The following SRRM2 variants were observed in gnomAD, a reference collection of about 807,000 sequenced individuals.
SRRM2 encodes serine/arginine repetitive matrix 2, also known as serine/arginine repetitive matrix protein 2.
Under a neutral mutation model 213.8 loss-of-function variants are expected in SRRM2, and 30 were observed. That is an observed-to-expected ratio of 0.14 (90% confidence interval 0.10 to 0.19). The LOEUF (loss-of-function observed/expected upper bound fraction) is 0.19. Among genes scored for constraint, SRRM2 ranks in the 10% least tolerant of loss-of-function variants. SRRM2 has a pLI of 1.00. For missense variants in SRRM2, 4,904 were observed against 3,647.0 expected, an observed-to-expected ratio of 1.34 and a Z score of -8.88; for synonymous variants, 2,025 against 1,377.7, an observed-to-expected ratio of 1.47 and a Z score of -10.40.
rs200237075 is a variant in SRRM2, at chr16:2,759,654, C to T, written c.826C>T (p.Arg276Cys). 52 of 1,613,654 alleles carry T rather than the reference C, an allele frequency of 3.2e-5. No homozygotes were observed. The highest frequency in any genetic ancestry group is 3.8e-5 in the Non-Finnish European group (45 of 1,179,776). The stretch of plus-strand genomic sequence containing the variant: ...CTCTGCTTCCTCCTCCGATACTTCC[C>T]GCAGTCGGTAAGGGGTAGTCCAGGA... ...ADSASSSDTS[R>C]SRSRSAAAKT... is the part of the protein sequence containing the mutation. The change falls in exon 9 of 15, where the codon CGC (arginine) becomes TGC (cysteine). Residue 276 changes from arginine to cysteine, a missense_variant. Physicochemically the swap from Arg to Cys is radical, Grantham distance 180. Transcript: ENST00000301740.
In SRRM2 at chr16:2,764,933, A is replaced by G. The variant is rs200242142; in HGVS notation, c.4405A>G (p.Ile1469Val). The change falls in exon 11 of 15, where the codon ATA becomes GTA. Residue 1469 changes from isoleucine (I) to valine (V), a missense_variant. Transcript: ENST00000301740. The part of the protein sequence containing the change: ...LSGSSPGMKD[I>V]PRTPSRGRSE... ...TGGGTCCTCTCCTGGAATGAAAGATATACCTAGAACGCCATCTAGAGGGAG... is the reference window on the plus strand; with the variant it reads ...TGGGTCCTCTCCTGGAATGAAAGATGTACCTAGAACGCCATCTAGAGGGAG... 3 of 1,614,170 alleles carry G rather than the reference A, an allele frequency of 1.9e-6. No homozygotes were observed. The highest frequency in any genetic ancestry group is 2.7e-5 in the African/African-American group (2 of 75,022).
At chr16:2,757,363 T>A (rs2068181313) in intron 2 of SRRM2, 109 bp from the exon 3 acceptor site, 1 of 854,706 alleles carries the variant, frequency 1.2e-6, no homozygotes, top group Non-Finnish European at 1.9e-6. Context: ...CGAAAAGTTC[T>A]GTGTGCGCAT....
intron 1 of SRRM2, among the ~76,000 whole-genome samples, chr16:2,755,578 T>G (rs1165618429): frequency 6.7e-6 from 1 of 149,422 alleles, no homozygotes; most frequent in Non-Finnish European, 1.5e-5. Flanking sequence ...AGGAAGGAAA[T>G]TGAAGGAATA....
At chr16:2,753,242 C>G (rs2068004990) in intron 1 of SRRM2, among the ~76,000 whole-genome samples, 1 of 152,368 alleles carries the variant, frequency 6.6e-6, no homozygotes, top group South Asian at 2.1e-4. Context: ...CTCCTGGACC[C>G]TTGCCCCCGG....
rs528037135 is a variant in SRRM2, at chr16:2,767,549, C to G, written c.7021C>G (p.Pro2341Ala). 7 of 1,614,078 alleles carry G rather than the reference C, an allele frequency of 4.3e-6. No homozygotes were observed. Among genetic ancestry groups the G allele is most frequent in the Non-Finnish European group, 5.9e-6 (7 of 1,180,042 alleles). Residue 2341 changes from proline (P) to alanine (A), a missense_variant, in exon 11 of 15, where the codon CCT becomes GCT. By Grantham distance (27) the Pro-to-Ala change is conservative. Coordinates refer to ENST00000301740, the MANE Select transcript of SRRM2 (RefSeq NM_016333.4). ...TCCAGCCTCTGCAAACCTGGTGGGT[C>G]CTCGGTCTGCACATGCCACAGCTCC... ...QAPASANLVG[P>A]RSAHATAPVN...
chr16:2,770,279 G>A, intron 12 of SRRM2, 73 bp from the exon 13 acceptor site: 1 of 1,487,642 alleles, frequency 6.7e-7, no homozygotes, highest in Non-Finnish European at 9.0e-7. Context: ...TCAGGACCTG[G>A]GCGGGTGGTC....
rs1218314599 is a variant in SRRM2 at position 2,767,999 on chromosome 16, A to C, written c.7471A>C (p.Asn2491His). Residue 2491 changes from asparagine to histidine, a missense_variant, in exon 11 of 15, where the codon AAT (asparagine) becomes CAT (histidine). By Grantham distance (68) the Asn-to-His change is moderately conservative. Transcript: ENST00000301740. ...GACCACGTCCTCTGCTGGTGATCAC[A>C]ATGGCATGCTCTCTGTCCCTGCCCC... is the stretch of plus-strand genomic sequence containing the variant. ...ATTTSSAGDH[N>H]GMLSVPAPGV... is the part of the protein sequence containing the mutation. The C allele has an allele frequency of 6.2e-7, 1 of 1,613,984 alleles. No homozygotes were observed. Among genetic ancestry groups the C allele is most frequent in the East Asian group, 2.2e-5 (1 of 44,892 alleles).
At chr16:2,753,183 C>T (rs968591848) in intron 1 of SRRM2, among the ~76,000 whole-genome samples, 20 of 151,490 alleles carry the variant, frequency 1.3e-4, no homozygotes, top group African/African-American at 4.4e-4. Flanking sequence ...CCTGCAGCTG[C>T]CGTTTTCGGC....
chr16:2,763,710 C>T lies in SRRM2; in HGVS notation c.3182C>T (p.Ser1061Phe), dbSNP rs777960016. The stretch of plus-strand genomic sequence containing the variant: ...TCATCTCTGCAACTGAAAGGACAAT[C>T]TCAAACTTCACCAGACCACAGATCT... ...GVSSLQLKGQ[S>F]QTSPDHRSDT... is the part of the protein sequence containing the mutation. The change falls in exon 11 of 15, where the codon TCT (serine) becomes TTT (phenylalanine). Residue 1061 changes from serine to phenylalanine, a missense_variant. By Grantham distance (155) the Ser-to-Phe change is radical. Transcript: ENST00000301740. 1.2e-6 allele frequency: 2 copies of T among 1,614,186 alleles called. No homozygotes were observed. Among genetic ancestry groups the T allele is most frequent in the Non-Finnish European group, 8.5e-7 (1 of 1,180,036 alleles).
chr16:2,758,803 T>A, intron 5 of SRRM2, 182 bp from the exon 6 acceptor site: 1 of 729,570 alleles, frequency 1.4e-6, no homozygotes, highest in Admixed American at 2.9e-5. Flanking sequence ...TGAGGTTTGT[T>A]GACTTAAGGA....
Position 2,764,790 on chromosome 16 carries a change from C to T in SRRM2, c.4262C>T (p.Ser1421Phe), listed in dbSNP as rs1229056380. The change falls in exon 11 of 15, where the codon TCT becomes TTT. Residue 1421 changes from serine to phenylalanine, a missense_variant. Ser to Phe is a radical substitution (Grantham distance 155). Coordinates refer to ENST00000301740, the MANE Select transcript of SRRM2 (RefSeq NM_016333.4). ...ACACCCTCGAGAGAAAGAAGTAGTT[C>T]TGCATCTTCTCCTGAAATGAAAGAT... ...PRTPSRERSS[S>F]ASSPEMKDGL... 1.2e-6 allele frequency: 2 copies of T among 1,614,184 alleles called. No homozygotes were observed. The highest frequency in any genetic ancestry group is 2.2e-5 in the South Asian group (2 of 91,084).
In SRRM2 at chr16:2,752,711, G is replaced by T; in HGVS notation, c.-167G>T. 5.6e-6 allele frequency: 2 copies of T among 354,460 alleles called. No individual in the cohort carries two copies. Among genetic ancestry groups the T allele is most frequent in the South Asian group, 1.9e-5 (1 of 53,306 alleles). 22.0% of individuals were successfully genotyped at this position (354,460 alleles called of 1,614,324 possible). A position where few individuals can be genotyped will look rare whatever the true frequency, so the allele number is the denominator to read the frequency against. On this transcript the variant is annotated 5_prime_UTR_variant, in exon 1 of 15. Transcript: ENST00000301740. ...AGCCCGTTGCGGCCCCTGAGGAAGC[G>T]AGGAGGCGTCGGCGTCGGCTGAGGC... is the stretch of plus-strand genomic sequence containing the variant.
In SRRM2 at chr16:2,763,609, A is replaced by C. The variant is rs530922815; in HGVS notation, c.3081A>C (p.Gln1027His). The C allele has an allele frequency of 1.2e-6, 2 of 1,614,050 alleles. No individual in the cohort carries two copies. Among genetic ancestry groups the C allele is most frequent in the South Asian group, 1.1e-5 (1 of 91,076 alleles). The change falls in exon 11 of 15, where the codon CAA becomes CAC. Residue 1027 changes from glutamine (Q) to histidine (H), a missense_variant. Transcript: ENST00000301740. ...PQEKSKDSLV[Q>H]SCPGSLSLCA... ...AGAAGTCTAAAGACTCACTAGTTCAAAGTTGCCCTGGATCCCTCTCTCTCT... is the reference window on the plus strand; with the variant it reads ...AGAAGTCTAAAGACTCACTAGTTCACAGTTGCCCTGGATCCCTCTCTCTCT...
At chr16:2,758,379 T>C in intron 4 of SRRM2, 91 bp from the exon 5 acceptor site, 2 of 1,184,788 alleles carry the variant, frequency 1.7e-6, no homozygotes, top group Non-Finnish European at 2.5e-6. Context: ...TTTTTTATTT[T>C]TATTACTATT....
intron 11 of SRRM2, chr16:2,768,607 C>G (rs1374159185): frequency 1.6e-6 from 1 of 630,804 alleles, no homozygotes; most frequent in Non-Finnish European, 2.9e-6. Flanking sequence ...GAGGTCATCC[C>G]ATCCCTCTCC....
At chr16:2,756,762 A>C (rs2068156254) in intron 2 of SRRM2, among the ~76,000 whole-genome samples, 156 bp downstream of exon 2, 1 of 152,026 alleles carries the variant, frequency 6.6e-6, no homozygotes. Context: ...GAAAACAGTT[A>C]AGGGACAGTG....
intron 11 of SRRM2, chr16:2,768,724 C>G: frequency 1.4e-6 from 1 of 716,332 alleles, no homozygotes; most frequent in Non-Finnish European, 2.5e-6. Context: ...AGCTTCCACA[C>G]CTGAGCCCAG....
chr16:2,752,954 A>ACGCGCGCT (rs920711723), intron 1 of SRRM2, 108 bp downstream of exon 1: 3 of 152,586 alleles, frequency 2.0e-5, no homozygotes, highest in African/African-American at 7.4e-5. Context: ...CTCCGCGCGC[A>ACGCGCGCT]CGCGCGCTCG....
chr16:2,757,520 G>C lies in SRRM2; in HGVS notation c.291G>C (p.Met97Ile). Residue 97 changes from methionine (M) to isoleucine (I), a missense_variant, in exon 3 of 15, where the codon ATG (methionine) becomes ATC (isoleucine). Met to Ile is a conservative substitution (Grantham distance 10, BLOSUM62 1). Coordinates refer to ENST00000301740, the MANE Select transcript of SRRM2 (RefSeq NM_016333.4). ...IQEKVATFRLMLLEKDVNPGG... is the reference protein window; with the variant it reads ...IQEKVATFRLILLEKDVNPGG... ...AAAAAGTGGCGACCTTTCGACTCAT[G>C]TTGCTGGAGAAGGATGTGAACCCTG... 1 of 1,614,102 alleles carries C rather than the reference G, an allele frequency of 6.2e-7. No homozygotes were observed. The highest frequency in any genetic ancestry group is 8.5e-7 in the Non-Finnish European group (1 of 1,180,012).
Sources: gnomAD v4.1 joint callset for allele counts (sites outside exome capture counted in the v4.1 genomes callset) on GRCh38, gnomAD v4.1.1 for gene constraint, MANE v1.5 for transcripts, NCBI Gene and HGNC (gene_info 2026-07-23, HGNC 2026-07-21) for gene names.